MARCHF1: variants seen among roughly 807,000 people sequenced by gnomAD.
MARCHF1 encodes the protein E3 ubiquitin-protein ligase MARCHF1.
Under a neutral mutation model 54.2 loss-of-function variants are expected in MARCHF1, and 40 were observed. The observed-to-expected ratio is 0.74, with a 90% confidence interval of 0.57 to 0.96. MARCHF1 has a LOEUF of 0.96. Among genes scored for constraint, MARCHF1 ranks in the 40% least tolerant of loss-of-function variants. The probability of loss-of-function intolerance (pLI) is 0.00; values close to 1 mark genes in which losing one functional copy is unlikely to be tolerated. For missense variants in MARCHF1, 586 were observed against 656.5 expected (o/e 0.89, Z 1.17); for synonymous variants, 236 against 236.3 (o/e 1.00, Z 0.01).
At chr4:164,101,776 G>C (rs1188244625) in intron 2 of MARCHF1, among the ~76,000 whole-genome samples, 2 of 148,810 alleles carry the variant, frequency 1.3e-5, no homozygotes, top group East Asian at 3.9e-4. Flanking sequence ...TGACTTTGAC[G>C]AGCTGAGAGA....
chr4:163,618,969 T>C (rs916035135), intron 5 of MARCHF1, among the ~76,000 whole-genome samples: 5 of 151,794 alleles, frequency 3.3e-5, no homozygotes, highest in Non-Finnish European at 7.4e-5. Flanking sequence ...ACAAGGTGAG[T>C]GTGACTCAAG....
intron 3 of MARCHF1, among the ~76,000 whole-genome samples, chr4:163,863,101 T>A (rs1280726713): frequency 2.6e-5 from 4 of 152,058 alleles, no homozygotes; most frequent in Non-Finnish European, 5.9e-5. Context: ...TCCTAAGCAT[T>A]TGTGAAAATC....
intron 1 of MARCHF1, among the ~76,000 whole-genome samples, chr4:164,282,939 T>C (rs756618364): frequency 6.6e-6 from 1 of 151,254 alleles, no homozygotes; most frequent in Non-Finnish European, 1.5e-5. Context: ...CTGACCCTAC[T>C]TGCATTATAT....
intron 5 of MARCHF1, among the ~76,000 whole-genome samples, chr4:163,630,777 A>G (rs551022117): frequency 6.6e-6 from 1 of 152,264 alleles, no homozygotes; most frequent in South Asian, 2.1e-4. Context: ...AACAAAAGAA[A>G]AAGGGAAAGA....
At chr4:164,274,188 T>A (rs1412444574) in intron 1 of MARCHF1, among the ~76,000 whole-genome samples, 2 of 152,232 alleles carry the variant, frequency 1.3e-5, no homozygotes, top group African/African-American at 2.4e-5. Flanking sequence ...ATTCAGGTTC[T>A]GCTCTACGTA....
intron 1 of MARCHF1, among the ~76,000 whole-genome samples, chr4:164,141,178 C>T (rs1756524746): frequency 6.6e-6 from 1 of 152,176 alleles, no homozygotes; most frequent in African/African-American, 2.4e-5. Flanking sequence ...TCAATGATTT[C>T]CTTATCCTTC....
At chr4:164,309,461 C>T (rs907931751) in intron 1 of MARCHF1, among the ~76,000 whole-genome samples, 1 of 152,162 alleles carries the variant, frequency 6.6e-6, no homozygotes, top group African/African-American at 2.4e-5. Flanking sequence ...TGGTCAAATG[C>T]TCATCTCTAG....
chr4:163,873,549 CCCTGTGTTA>C (rs1373253560), intron 3 of MARCHF1, among the ~76,000 whole-genome samples: 1 of 152,160 alleles, frequency 6.6e-6, no homozygotes, highest in Non-Finnish European at 1.5e-5. Context: ...GCTCAGACAG[CCCTGTGTTA>C]CCTGATGGTA....
chr4:164,313,497 A>G (rs1346833956), intron 1 of MARCHF1, among the ~76,000 whole-genome samples: 1 of 152,140 alleles, frequency 6.6e-6, no homozygotes, highest in Non-Finnish European at 1.5e-5. Flanking sequence ...CAGGGTAAAG[A>G]TACACTGCTT....
At chr4:164,251,335 G>T (rs994107399) in intron 1 of MARCHF1, among the ~76,000 whole-genome samples, 4 of 152,152 alleles carry the variant, frequency 2.6e-5, no homozygotes, top group African/African-American at 4.8e-5. Context: ...TTTATTTCAC[G>T]AGACGGTAAG....
intron 3 of MARCHF1, among the ~76,000 whole-genome samples, chr4:163,975,910 T>C (rs558841977): frequency 5.3e-5 from 8 of 152,264 alleles, no homozygotes; most frequent in African/African-American, 1.7e-4. Context: ...ATTGGTCAAC[T>C]TGGATTGGAT....
intron 1 of MARCHF1, among the ~76,000 whole-genome samples, chr4:164,207,557 A>C (rs1341703843): frequency 6.6e-6 from 1 of 152,238 alleles, no homozygotes; most frequent in Non-Finnish European, 1.5e-5. Context: ...ATAAAACCTC[A>C]CTGAAGGTTT....
At chr4:164,051,400 G>T (rs146446383) in intron 2 of MARCHF1, among the ~76,000 whole-genome samples, 94 of 152,190 alleles carry the variant, frequency 6.2e-4, no homozygotes, top group African/African-American at 2.2e-3. Flanking sequence ...AATATGCTTT[G>T]TGTGTGTCTG....
chr4:164,225,864 G>A (rs139256054), intron 1 of MARCHF1, among the ~76,000 whole-genome samples: 93 of 152,058 alleles, frequency 6.1e-4, no homozygotes, highest in African/African-American at 2.1e-3. Context: ...TTGTTTTAAT[G>A]CATTTCATAA....
At chr4:164,331,781 G>A (rs1735440170) in intron 1 of MARCHF1, among the ~76,000 whole-genome samples, 1 of 152,134 alleles carries the variant, frequency 6.6e-6, no homozygotes, top group South Asian at 2.1e-4. Flanking sequence ...TCAGTCTTAA[G>A]AAGCTCATTT....
At chr4:164,357,477 T>A (rs1730593765) in intron 1 of MARCHF1, among the ~76,000 whole-genome samples, 1 of 152,156 alleles carries the variant, frequency 6.6e-6, no homozygotes, top group African/African-American at 2.4e-5. Context: ...ATCCTTAATT[T>A]AATCATATCT....
chr4:164,218,840 AAAGTAT>A (rs985486656), intron 1 of MARCHF1, among the ~76,000 whole-genome samples: 26 of 151,818 alleles, frequency 1.7e-4, no homozygotes, highest in African/African-American at 5.1e-4. Flanking sequence ...CCGAAAACTT[AAAGTAT>A]AATTAAAAAA....
chr4:163,636,127 C>T (rs565154571), intron 5 of MARCHF1, among the ~76,000 whole-genome samples: 19 of 152,188 alleles, frequency 1.2e-4, no homozygotes, highest in Non-Finnish European at 2.5e-4. Context: ...GACAAACCCA[C>T]AGCCAATATC....
chr4:164,186,993 G>T (rs1730986322), intron 1 of MARCHF1, among the ~76,000 whole-genome samples: 1 of 151,076 alleles, frequency 6.6e-6, no homozygotes, highest in Admixed American at 6.6e-5. Flanking sequence ...ACTTGAGATG[G>T]TATCAATTGC....
Sources: allele counts gnomAD v4.1 joint callset (sites outside exome capture counted in the v4.1 genomes callset), GRCh38; gene constraint gnomAD v4.1.1; transcripts MANE v1.5; gene names NCBI Gene and HGNC (gene_info 2026-07-23, HGNC 2026-07-21).